Variants in HAO1 observed in about 807,000 individuals in gnomAD.
The protein encoded by HAO1 is 2-Hydroxyacid oxidase 1.
Under a neutral mutation model 39.7 loss-of-function variants are expected in HAO1, and 34 were observed. The ratio of observed to expected loss-of-function variants is 0.86; its 90% CI spans 0.65 to 1.14. HAO1 has a LOEUF of 1.14. HAO1 is among the 50% of genes most tolerant of loss of function. The pLI is 0.00. For missense variants in HAO1, 479 were observed against 464.5 expected (o/e 1.03, Z -0.29); for synonymous variants, 172 against 173.2 (o/e 0.99, Z 0.05).
intron 2 of HAO1, among the ~76,000 whole-genome samples, chr20:7,921,931 A>T (rs1488758985): frequency 1.3e-5 from 2 of 152,126 alleles, no homozygotes; most frequent in African/African-American, 4.8e-5. Context: ...AAAAATGGTA[A>T]CAATAGATGC....
rs1184221968 is a variant in HAO1, at chr20:7,885,452, C to A, written c.1042+69G>T. ...ACACTCTTCCCTTTCAAATTCACTT[C>A]TCTCCACCAAGGACCTTGACTTAAA... On this transcript the variant is annotated intron_variant, in intron 7 of 7. Transcript: ENST00000378789. 4 of 989,068 alleles carry A rather than the reference C, an allele frequency of 4.0e-6. No individual in the cohort carries two copies. In the Admixed American group the frequency reaches 7.2e-5, roughly 18 times the overall value. 61.3% of individuals were successfully genotyped at this position (989,068 alleles called of 1,614,324 possible).
chr20:7,904,526 A>C (rs898411837), intron 4 of HAO1, among the ~76,000 whole-genome samples: 1 of 152,200 alleles, frequency 6.6e-6, no homozygotes, highest in Non-Finnish European at 1.5e-5. Flanking sequence ...GCTTGATATC[A>C]TGGCAAAACT....
chr20:7,923,116 A>G (rs965794532), intron 2 of HAO1, among the ~76,000 whole-genome samples: 2 of 152,264 alleles, frequency 1.3e-5, no homozygotes, highest in South Asian at 2.1e-4. Context: ...TAAATTTCCT[A>G]TACTATGGAA....
intron 1 of HAO1, among the ~76,000 whole-genome samples, chr20:7,935,949 C>A (rs574739256): frequency 3.3e-5 from 5 of 151,936 alleles, no homozygotes; most frequent in African/African-American, 1.2e-4. Flanking sequence ...CTTCCAGAAA[C>A]AGCATGACTT....
intron 4 of HAO1, among the ~76,000 whole-genome samples, chr20:7,901,364 A>G (rs1008324222): frequency 2.0e-5 from 3 of 152,164 alleles, no homozygotes; most frequent in African/African-American, 7.2e-5. Flanking sequence ...GGACTTTCAT[A>G]GCTAGAGAGG....
intron 2 of HAO1, among the ~76,000 whole-genome samples, chr20:7,927,194 A>C (rs1266832708): frequency 6.6e-6 from 1 of 152,154 alleles, no homozygotes; most frequent in Non-Finnish European, 1.5e-5. Context: ...TAAGCATTTT[A>C]TTAATTGGAT....
chr20:7,926,411 G>A (rs1216681458), intron 2 of HAO1, among the ~76,000 whole-genome samples: 1 of 152,122 alleles, frequency 6.6e-6, no homozygotes, highest in Non-Finnish European at 1.5e-5. Flanking sequence ...TGAGAATAAT[G>A]GGGATATTTT....
rs147227022 is a variant in HAO1 at position 7,937,686 on chromosome 20, A to C, written c.137+2600T>G. Among the ~76,000 whole-genome samples the C allele has an allele frequency of 4.6e-5, 7 of 152,354 alleles. No homozygotes were observed. The East Asian group carries it at 1.2e-3, about 25-fold the overall frequency. On this transcript the variant is annotated intron_variant, in intron 1 of 7. Coordinates refer to ENST00000378789, the MANE Select transcript of HAO1 (RefSeq NM_017545.3). The stretch of plus-strand genomic sequence containing the variant: ...AAAAAGCTACAACAACGTGAAGACC[A>C]TAGTTGAGAAGGCTACTTTGAATAA...
rs150618191 is a variant in HAO1 at position 7,895,160 on chromosome 20, A to G, written c.786T>C (p.Ala262=). Reference sequence around the variant, plus strand: ...TGGCTGGCACCCCATCGAGTTGTCGAGCCCCATGATTCGACACCAAGATCC... The same window carrying G: ...TGGCTGGCACCCCATCGAGTTGTCGGGCCCCATGATTCGACACCAAGATCC... The part of the protein sequence containing the change: ...LNGILVSNHG[A]RQLDGVPATI... The change falls in exon 5 of 8, where the codon GCT becomes GCC. Residue 262 remains alanine (A), a synonymous_variant. Transcript: ENST00000378789. 6.2e-7 allele frequency: 1 copy of G among 1,612,346 alleles called. No individual in the cohort carries two copies. Among genetic ancestry groups the G allele is most frequent in the African/African-American group, 1.3e-5 (1 of 74,954 alleles).
chr20:7,919,776 C>G (rs1568517364), intron 2 of HAO1, among the ~76,000 whole-genome samples: 1 of 152,114 alleles, frequency 6.6e-6, no homozygotes, highest in Non-Finnish European at 1.5e-5. Context: ...AAAATAAGTT[C>G]TGGATAGCTT....
At chr20:7,936,547 T>TGTGTGTG (rs751822933) in intron 1 of HAO1, among the ~76,000 whole-genome samples, 88 of 136,640 alleles carry the variant, frequency 6.4e-4, no homozygotes, top group South Asian at 2.2e-3. Flanking sequence ...TGTGTGTGTG[T>TGTGTGTG]TCGCGCGCGC....
intron 2 of HAO1, among the ~76,000 whole-genome samples, chr20:7,914,855 A>G (rs2050299290): frequency 6.6e-6 from 1 of 152,204 alleles, no homozygotes; most frequent in African/African-American, 2.4e-5. Context: ...ACAGTGGCTC[A>G]CGCCTGTAAT....
intron 3 of HAO1, 34 bp downstream of exon 3, chr20:7,914,130 C>A (rs140974881): frequency 3.7e-6 from 6 of 1,609,456 alleles, no homozygotes; most frequent in Non-Finnish European, 3.4e-6. Context: ...AGATCCCTTT[C>A]GCCTCAGCTC....
At chr20:7,909,380 T>C (rs1352325352) in intron 3 of HAO1, among the ~76,000 whole-genome samples, 6 of 41,626 alleles carry the variant, frequency 1.4e-4, no homozygotes, top group African/African-American at 5.7e-4. Context: ...TATATATATG[T>C]ATATATATAT....
intron 2 of HAO1, among the ~76,000 whole-genome samples, chr20:7,924,821 TAAAAAGCTCCTAC>T (rs777104365): frequency 3.9e-5 from 6 of 152,152 alleles, no homozygotes; most frequent in Admixed American, 6.6e-5. Flanking sequence ...TGCATTTGAT[TAAAAAGCTCCTAC>T]AAAACTTAGT....
intron 4 of HAO1, among the ~76,000 whole-genome samples, chr20:7,904,592 C>T (rs990858021): frequency 9.2e-5 from 14 of 152,076 alleles, no homozygotes; most frequent in Non-Finnish European, 2.1e-4. Context: ...ACATTATTGC[C>T]CATATTCTTT....
At chr20:7,917,966 T>C (rs2050314682) in intron 2 of HAO1, among the ~76,000 whole-genome samples, 1 of 152,204 alleles carries the variant, frequency 6.6e-6, no homozygotes. Context: ...ACCATCTATT[T>C]CTTGATTCTA....
intron 2 of HAO1, among the ~76,000 whole-genome samples, chr20:7,921,595 A>C (rs1214410856): frequency 2.0e-5 from 3 of 152,078 alleles, no homozygotes; most frequent in African/African-American, 7.2e-5. Context: ...CAGCAATCCC[A>C]CTAACTGGGT....
intron 4 of HAO1, among the ~76,000 whole-genome samples, chr20:7,904,000 A>G (rs895310183): frequency 1.3e-5 from 2 of 152,164 alleles, no homozygotes; most frequent in Non-Finnish European, 2.9e-5. Context: ...ATTGATTTGC[A>G]CATATCTTAA....
Sources: allele counts gnomAD v4.1 joint callset (sites outside exome capture counted in the v4.1 genomes callset), GRCh38; gene constraint gnomAD v4.1.1; transcripts MANE v1.5; gene names NCBI Gene and HGNC (gene_info 2026-07-23, HGNC 2026-07-21).